The following ACP3 variants were observed in gnomAD, a reference collection of about 807,000 sequenced individuals.
ACP3 encodes prostatic acid phosphatase.
Under a neutral mutation model 45.6 loss-of-function variants are expected in ACP3, and 38 were observed. The observed-to-expected ratio is 0.83, with a 90% confidence interval of 0.64 to 1.09. The LOEUF (loss-of-function observed/expected upper bound fraction) is 1.09, where lower values mean the gene tolerates loss of function less well. ACP3 is among the 50% of genes least tolerant of loss of function. The pLI is 0.00. For missense variants in ACP3, 466 were observed against 463.2 expected (o/e 1.01, Z -0.05); for synonymous variants, 162 against 164.7 (o/e 0.98, Z 0.13).
At position 132,357,407 on chromosome 3, in the gene ACP3, C is replaced by T. The variant is rs1937933577; in HGVS notation, c.*529C>T. 1.0e-6 allele frequency: 1 copy of T among 985,216 alleles called. No homozygotes were observed. Among genetic ancestry groups the T allele is most frequent in the African/African-American group, 1.7e-5 (1 of 57,218 alleles). The allele number at this position is 985,216 out of a possible 1,614,324, so 61.0% of individuals were successfully genotyped here. A position where few individuals can be genotyped will look rare whatever the true frequency, so the allele number is the denominator to read the frequency against. ...CAAGGAGAGGCAAAGAAAGGAGATA[C>T]AGTGGAGACATCTGGAAAGTTTTCT... On this transcript the variant is annotated 3_prime_UTR_variant, in exon 10 of 10. Coordinates refer to ENST00000336375, the MANE Select transcript of ACP3 (RefSeq NM_001099.5).
At chr3:132,367,267 TCTC>T (rs946904739) in intron 10 of ACP3, among the ~76,000 whole-genome samples, 106 of 152,314 alleles carry the variant, frequency 7.0e-4, no homozygotes, top group African/African-American at 2.4e-3. Context: ...GTGCACAAGA[TCTC>T]CTCTTCAACA....
chr3:132,357,110 G>A lies in ACP3; in HGVS notation c.*232G>A. On this transcript the variant is annotated 3_prime_UTR_variant, in exon 10 of 10. Coordinates refer to ENST00000336375, the MANE Select transcript of ACP3 (RefSeq NM_001099.5). The stretch of plus-strand genomic sequence containing the variant: ...TTTTGTTTTTCAGCGTTAATGTAAA[G>A]GGGCAGCAGTGCCAAAATATAATCA... The A allele has an allele frequency of 1.6e-6, 2 of 1,249,566 alleles. No homozygotes were observed. Among genetic ancestry groups the A allele is most frequent in the Non-Finnish European group, 2.0e-6 (2 of 992,058 alleles). 77.4% of individuals were successfully genotyped at this position (1,249,566 alleles called of 1,614,324 possible). A position where few individuals can be genotyped will look rare whatever the true frequency, so the allele number is the denominator to read the frequency against.
At chr3:132,343,512 T>C (rs1239527426) in intron 6 of ACP3, among the ~76,000 whole-genome samples, 1 of 152,226 alleles carries the variant, frequency 6.6e-6, no homozygotes, top group African/African-American at 2.4e-5. Context: ...AGAGCCCCCA[T>C]TTTTGTTCCA....
At chr3:132,349,265 G>A (rs1021350830) in intron 7 of ACP3, among the ~76,000 whole-genome samples, 1 of 152,174 alleles carries the variant, frequency 6.6e-6, no homozygotes, top group African/African-American at 2.4e-5. Context: ...AGTGTGAAGA[G>A]CAAAAGTTTC....
chr3:132,343,199 C>A (rs1428750832), intron 6 of ACP3, among the ~76,000 whole-genome samples: 1 of 152,188 alleles, frequency 6.6e-6, no homozygotes, highest in Non-Finnish European at 1.5e-5. Context: ...CCATGCTCCA[C>A]CTTCTGGCCA....
intron 1 of ACP3, among the ~76,000 whole-genome samples, chr3:132,320,037 T>C (rs1937177403): frequency 2.4e-5 from 2 of 81,810 alleles, no homozygotes; most frequent in Admixed American, 1.7e-4. Context: ...TTAACAGGTG[T>C]ACATGGGGAA....
chr3:132,327,375 G>A (rs1006508091), intron 1 of ACP3, among the ~76,000 whole-genome samples: 3 of 151,722 alleles, frequency 2.0e-5, no homozygotes, highest in African/African-American at 4.8e-5. Context: ...TTAGCTGGGT[G>A]TGGTGGCGTG....
At chr3:132,328,075 A>C (rs919208419) in intron 1 of ACP3, among the ~76,000 whole-genome samples, 192 bp from the exon 2 acceptor site, 1 of 152,202 alleles carries the variant, frequency 6.6e-6, no homozygotes, top group African/African-American at 2.4e-5. Flanking sequence ...TCCTGGCCAC[A>C]TCCCAGACTA....
In ACP3 at chr3:132,348,075, C is replaced by A. The variant is rs1227131523; in HGVS notation, c.782-1845C>A. ...ATTGTCTATTGCTGCTTTCATGCTACCACCGCAGAGCTGAGTAGTTGCAAC... is the reference window on the plus strand; with the variant it reads ...ATTGTCTATTGCTGCTTTCATGCTAACACCGCAGAGCTGAGTAGTTGCAAC... On this transcript the variant is annotated intron_variant, in intron 7 of 9. Transcript: ENST00000336375. Among the ~76,000 whole-genome samples, 3 of 152,160 alleles carry A rather than the reference C, an allele frequency of 2.0e-5. No homozygotes were observed. In the East Asian group the frequency reaches 5.8e-4, roughly 29 times the overall value.
At chr3:132,356,405 C>T (rs1424546259) in intron 9 of ACP3, among the ~76,000 whole-genome samples, 2 of 152,092 alleles carry the variant, frequency 1.3e-5, no homozygotes, top group Non-Finnish European at 2.9e-5. Flanking sequence ...CACCCAGCTC[C>T]CTGCAACCAT....
chr3:132,360,403 T>C (rs1422350739), downstream of ACP3, among the ~76,000 whole-genome samples: 2 of 151,784 alleles, frequency 1.3e-5, no homozygotes, highest in African/African-American at 4.8e-5. Context: ...ATATAGGATA[T>C]GTCCTATATA....
At chr3:132,368,027 G>T (rs955010775) in exon 11 of ACP3, 1 of 514,500 alleles carries the variant, frequency 1.9e-6, no homozygotes, top group Non-Finnish European at 3.5e-6. Flanking sequence ...TCTCATAATG[G>T]AGTGGTAGTG....
intron 7 of ACP3, among the ~76,000 whole-genome samples, chr3:132,347,416 C>A (rs1241040544): frequency 2.6e-5 from 4 of 152,142 alleles, no homozygotes; most frequent in African/African-American, 9.7e-5. Flanking sequence ...TCAGGGCCAT[C>A]TTCTGACCTT....
In ACP3 at chr3:132,356,724, A is replaced by G. The variant is rs774379986; in HGVS notation, c.1007A>G (p.Gln336Arg). ...GAGATGTACTATCGGAATGAGACGCAGCACGAGCCGTATCCCCTCATGCTA... is the reference window on the plus strand; with the variant it reads ...GAGATGTACTATCGGAATGAGACGCGGCACGAGCCGTATCCCCTCATGCTA... ...FVEMYYRNET[Q>R]HEPYPLMLPG... is the part of the protein sequence containing the mutation. The change falls in exon 10 of 10, where the codon CAG becomes CGG. Residue 336 changes from glutamine (Q) to arginine (R), a missense_variant. Gln to Arg is a conservative substitution (Grantham distance 43). Transcript: ENST00000336375. 1 of 1,614,172 alleles carries G rather than the reference A, an allele frequency of 6.2e-7. No homozygotes were observed. The highest frequency in any genetic ancestry group is 1.1e-5 in the South Asian group (1 of 91,082).
intron 6 of ACP3, 142 bp from the exon 7 acceptor site, chr3:132,344,785 C>A: frequency 1.1e-6 from 1 of 904,520 alleles, no homozygotes; most frequent in Non-Finnish European, 1.6e-6. Context: ...CTACTTATCA[C>A]AATATGAAGT....
At chr3:132,336,521 C>T (rs6793603) in intron 4 of ACP3, among the ~76,000 whole-genome samples, 1 of 152,038 alleles carries the variant, frequency 6.6e-6, no homozygotes, top group Non-Finnish European at 1.5e-5. Context: ...CTAGCAAAAG[C>T]AGAGAAAATT....
chr3:132,349,734 T>TA lies in ACP3; in HGVS notation c.782-174dup, dbSNP rs374541083. 1.2e-3 allele frequency among the ~76,000 whole-genome samples: 172 copies of TA among 145,266 alleles called. 2 individuals are homozygous for TA. The highest frequency in any genetic ancestry group is 3.6e-3 in the African/African-American group (142 of 39,756). On this transcript the variant is annotated intron_variant, in intron 7 of 9. Coordinates refer to ENST00000336375, the MANE Select transcript of ACP3 (RefSeq NM_001099.5). ...GAGGGTTGAGACGTAGGATTCAGTT[T>TA]AAAAAAAAAAAAGTATGTAAATCAC...
chr3:132,339,868 C>A (rs572016869), intron 5 of ACP3, among the ~76,000 whole-genome samples: 4 of 152,308 alleles, frequency 2.6e-5, no homozygotes, highest in South Asian at 2.1e-4. Flanking sequence ...AAAGTCCCAA[C>A]GCTCTAATCC....
In ACP3 at chr3:132,357,582, T is replaced by A; in HGVS notation, c.*704T>A. 1.0e-6 allele frequency: 1 copy of A among 984,382 alleles called. No homozygotes were observed. The highest frequency in any genetic ancestry group is 4.7e-5 in the South Asian group (1 of 21,268). The allele number at this position is 984,382 out of a possible 1,614,324, so 61.0% of individuals were successfully genotyped here. A position where few individuals can be genotyped will look rare whatever the true frequency, so the allele number is the denominator to read the frequency against. On this transcript the variant is annotated 3_prime_UTR_variant, in exon 10 of 10. Transcript: ENST00000336375. ...AAAAATCAAACTTTACAGAAAGATT[T>A]GATGTATGTAATACATATAGCAGCT... is the stretch of plus-strand genomic sequence containing the variant.
Sources: allele counts gnomAD v4.1 joint callset (sites outside exome capture counted in the v4.1 genomes callset), GRCh38; gene constraint gnomAD v4.1.1; transcripts MANE v1.5; gene names NCBI Gene and HGNC (gene_info 2026-07-23, HGNC 2026-07-21).